The following CBARP variants were observed in gnomAD, a reference collection of about 807,000 sequenced individuals.
CBARP encodes the protein voltage-dependent calcium channel beta subunit-associated regulatory protein.
A neutral mutation model predicts 36.3 loss-of-function variants in CBARP; 24 were observed. That is an observed-to-expected ratio of 0.66 (90% CI 0.48 to 0.93). CBARP has a LOEUF of 0.93. Ranked by LOEUF, CBARP falls within the 40% of genes least tolerant of loss-of-function variation. The pLI is 0.00. For missense variants in CBARP, 1,146 were observed against 980.4 expected (o/e 1.17, Z -2.26); for synonymous variants, 586 against 453.2 (o/e 1.29, Z -3.72).
intron 1 of CBARP, among the ~76,000 whole-genome samples, 181 bp downstream of exon 1, chr19:1,237,575 G>A (rs1306618741): frequency 6.6e-6 from 1 of 152,108 alleles, no homozygotes; most frequent in Non-Finnish European, 1.5e-5. Context: ...TGAGGCTGGG[G>A]CGGGGCCTGA....
chr19:1,234,085 CG>C (rs1250805647), intron 7 of CBARP, 105 bp downstream of exon 7: 7 of 1,304,654 alleles, frequency 5.4e-6, no homozygotes, highest in South Asian at 3.9e-5. Context: ...AGGAGGGCTG[CG>C]GTGGCTGGCA....
chr19:1,236,193 G>T, intron 1 of CBARP, 72 bp from the exon 2 acceptor site: 1 of 1,354,218 alleles, frequency 7.4e-7, no homozygotes, highest in South Asian at 1.9e-5. Context: ...GACAAGCTGG[G>T]TCTTCCCTGC....
Position 1,231,287 on chromosome 19 carries a change from ATG to A in CBARP, c.980-14_980-13del. ...CCGCTTGGGGGAACCTGCGCACGGG[ATG>A]TGCCGTAAGCGTCAGCCGGCATGTG... On this transcript the variant is annotated splice_polypyrimidine_tract_variant and intron_variant, in intron 8 of 9. Coordinates refer to ENST00000650044, the MANE Select transcript of CBARP (RefSeq NM_001393918.1). 6.3e-7 allele frequency: 1 copy of A among 1,597,146 alleles called. No homozygotes were observed. The highest frequency in any genetic ancestry group is 8.5e-7 in the Non-Finnish European group (1 of 1,178,198).
chr19:1,232,672 A>C (rs981106717), intron 8 of CBARP, among the ~76,000 whole-genome samples: 1 of 152,254 alleles, frequency 6.6e-6, no homozygotes, highest in Non-Finnish European at 1.5e-5. Flanking sequence ...ACTGTCAAAC[A>C]GTCCAGGGAT....
rs751822246 is a variant in CBARP, at chr19:1,229,877, C to A, written c.1420G>T (p.Gly474Trp). 1.8e-5 allele frequency: 18 copies of A among 1,012,616 alleles called. No homozygotes were observed. The highest frequency in any genetic ancestry group is 2.1e-5 in the Non-Finnish European group (18 of 843,674). The allele number at this position is 1,012,616 out of a possible 1,614,324, so 62.7% of individuals were successfully genotyped here. Residue 474 changes from glycine (G) to tryptophan (W), a missense_variant, in exon 10 of 10, where the codon GGG becomes TGG. Coordinates refer to ENST00000650044, the MANE Select transcript of CBARP (RefSeq NM_001393918.1). This position sits in a 1 kb window ranked among gnomAD's most constrained non-coding sequence, Gnocchi z 5.1. The part of the protein sequence containing the change: ...RSGDSSGSGS[G>W]GAAPAFPPPS... ...GGCGGGAAGGCGGGCGCCGCGCCCC[C>A]GGAGCCTGAGCCCGAGCTGTCGCCG...
chr19:1,235,144 G>C lies in CBARP; in HGVS notation c.312C>G (p.Asp104Glu). The C allele has an allele frequency of 2.5e-6, 4 of 1,576,286 alleles. No homozygotes were observed. The highest frequency in any genetic ancestry group is 3.4e-6 in the Non-Finnish European group (4 of 1,161,500). Residue 104 changes from aspartate to glutamate, a missense_variant and splice_region_variant, in exon 5 of 10, where the codon GAC becomes GAG. Transcript: ENST00000650044. ...CGGGGTCCTCTCCCCGGAAGTCGGG[G>C]TCTGCGTGGAGAGGCAGGAGAGGGT... Reference protein sequence around the residue: ...YLDNGTHPAQDPDFRGEDPEC... With the variant: ...YLDNGTHPAQEPDFRGEDPEC...
chr19:1,234,911 C>T, intron 5 of CBARP, 90 bp downstream of exon 5: 1 of 1,517,338 alleles, frequency 6.6e-7, no homozygotes, highest in Non-Finnish European at 8.8e-7. Flanking sequence ...TGCCTTGGTC[C>T]CTGCAGCCTC....
Position 1,229,268 on chromosome 19 carries a change from G to C in CBARP, c.2029C>G (p.Leu677Val), listed in dbSNP as rs775095985. 8.0e-7 allele frequency: 1 copy of C among 1,252,644 alleles called. No individual in the cohort carries two copies. The highest frequency in any genetic ancestry group is 1.0e-6 in the Non-Finnish European group (1 of 974,474). The allele number at this position is 1,252,644 out of a possible 1,614,324, so 77.6% of individuals were successfully genotyped here. ...DKLAAGLDER[L>V]FPPRLAEPVV... is the part of the protein sequence containing the mutation. ...GGCTCGGCGAGGCGCGGCGGAAAGAGTCTCTCGTCGAGGCCAGCCGCCAGC... is the reference window on the plus strand; with the variant it reads ...GGCTCGGCGAGGCGCGGCGGAAAGACTCTCTCGTCGAGGCCAGCCGCCAGC... The change falls in exon 10 of 10, where the codon CTC becomes GTC. Residue 677 changes from leucine to valine, a missense_variant. Coordinates refer to ENST00000650044, the MANE Select transcript of CBARP (RefSeq NM_001393918.1). This position sits in a 1 kb window ranked among gnomAD's most constrained non-coding sequence, Gnocchi z 5.1.
chr19:1,230,434 G>A lies in CBARP; in HGVS notation c.1155-292C>T, dbSNP rs866863068. On this transcript the variant is annotated intron_variant, in intron 9 of 9. Transcript: ENST00000650044. ...GAAAAGTCAACATGCTTCTCTCCGG[G>A]AGTCACGTTTTCCCAGCCTCCCAGT... The A allele has an allele frequency of 2.2e-4, 214 of 991,234 alleles. No individual in the cohort carries two copies. In the Middle Eastern group the frequency reaches 5.7e-3, roughly 26 times the overall value. 61.4% of individuals were successfully genotyped at this position (991,234 alleles called of 1,614,324 possible).
At position 1,229,305 on chromosome 19, in the gene CBARP, C is replaced by T. The variant is rs750541748; in HGVS notation, c.1992G>A (p.Ser664=). ...GGCCAGCCGCCAGCTTGTCCAGCAC[C>T]GACCCGGATGGTAGGACGCACAGGC... is the stretch of plus-strand genomic sequence containing the variant. ...GSGLCVLPSG[S]VLDKLAAGLD... is the part of the protein sequence containing the mutation. Residue 664 remains serine (S), a synonymous_variant, in exon 10 of 10, where the codon TCG becomes TCA. Transcript: ENST00000650044. The surrounding 1 kb of genome is among the most constrained non-coding windows in gnomAD (Gnocchi z 5.1). 32 of 1,254,584 alleles carry T rather than the reference C, an allele frequency of 2.6e-5. No homozygotes were observed. The East Asian group carries it at 4.7e-4, about 18-fold the overall frequency. 77.7% of individuals were successfully genotyped at this position (1,254,584 alleles called of 1,614,324 possible). A position where few individuals can be genotyped will look rare whatever the true frequency, so the allele number is the denominator to read the frequency against.
intron 8 of CBARP, among the ~76,000 whole-genome samples, chr19:1,232,987 G>A (rs2080913612): frequency 6.6e-6 from 1 of 152,276 alleles, no homozygotes; most frequent in South Asian, 2.1e-4. Flanking sequence ...TGGTCTGCCA[G>A]CGGGCGAGGG....
In CBARP at chr19:1,235,914, T is replaced by C; in HGVS notation, c.110A>G (p.Glu37Gly). The change falls in exon 3 of 10, where the codon GAG (glutamate) becomes GGG (glycine). Residue 37 changes from glutamate to glycine, a missense_variant. Coordinates refer to ENST00000650044, the MANE Select transcript of CBARP (RefSeq NM_001393918.1). ...WDNATGRPTA[E>G]PDPILDNYVL... ...GTAGTTGTCCAGGATGGGGTCTGGCTCTGCCTGCGGGTGTGCAGGGGGGGT... is the reference window on the plus strand; with the variant it reads ...GTAGTTGTCCAGGATGGGGTCTGGCCCTGCCTGCGGGTGTGCAGGGGGGGT... 1 of 1,611,398 alleles carries C rather than the reference T, an allele frequency of 6.2e-7. No homozygotes were observed. Among genetic ancestry groups the C allele is most frequent in the Non-Finnish European group, 8.5e-7 (1 of 1,179,678 alleles).
intron 8 of CBARP, 143 bp from the exon 9 acceptor site, chr19:1,231,418 C>A: frequency 7.9e-7 from 1 of 1,271,012 alleles, no homozygotes; most frequent in Non-Finnish European, 1.0e-6. Context: ...ACCCCCACCA[C>A]ACACACACAA....
intron 2 of CBARP, 22 bp downstream of exon 2, chr19:1,235,974 C>G (rs2080965725): frequency 1.3e-6 from 2 of 1,580,194 alleles, no homozygotes; most frequent in Non-Finnish European, 1.7e-6. Context: ...TCCTGCCCCT[C>G]CCACCTGTCC....
At position 1,236,247 on chromosome 19, in the gene CBARP, A is replaced by T. The variant is rs531746462; in HGVS notation, c.-21-126T>A. ...AGGGGGCAGTGACTCATGGAGAGGT[A>T]GCAGAGCCGGAGGCAGCCTCCACCC... On this transcript the variant is annotated intron_variant, in intron 1 of 9. Transcript: ENST00000650044. The T allele has an allele frequency of 3.6e-5, 46 of 1,280,772 alleles. No individual in the cohort carries two copies. In the African/African-American group the frequency reaches 6.8e-4, roughly 19 times the overall value. 79.3% of individuals were successfully genotyped at this position (1,280,772 alleles called of 1,614,324 possible).
chr19:1,236,603 G>A (rs923911188), intron 1 of CBARP, among the ~76,000 whole-genome samples: 6 of 152,026 alleles, frequency 3.9e-5, no homozygotes, highest in African/African-American at 1.2e-4. Flanking sequence ...CCATGGTTGG[G>A]TAGAGGGAGA....
intron 9 of CBARP, 146 bp downstream of exon 9, chr19:1,230,955 C>T (rs778716668): frequency 2.0e-5 from 31 of 1,575,010 alleles, no homozygotes; most frequent in East Asian, 6.8e-5. Context: ...CCAGTGAGTC[C>T]GCCTCTGGGA....
intron 7 of CBARP, 23 bp downstream of exon 7, chr19:1,234,168 G>A: frequency 6.7e-7 from 1 of 1,494,444 alleles, no homozygotes; most frequent in Non-Finnish European, 8.9e-7. Context: ...TGGACACCAT[G>A]GGGGACACGC....
Position 1,237,874 on chromosome 19 carries a change from A to T in CBARP, c.-140T>A, listed in dbSNP as rs1231210883. On this transcript the variant is annotated 5_prime_UTR_variant, in exon 1 of 10. Transcript: ENST00000650044. ...GCAGGCGGAGAATTTATGAATGGAGAGCGCGGCGCGGGGGAGGCCGGCGCG... is the reference window on the plus strand; with the variant it reads ...GCAGGCGGAGAATTTATGAATGGAGTGCGCGGCGCGGGGGAGGCCGGCGCG... 1 of 147,142 alleles carries T rather than the reference A, an allele frequency of 6.8e-6. No homozygotes were observed. The highest frequency in any genetic ancestry group is 1.5e-5 in the Non-Finnish European group (1 of 66,124). 9.1% of individuals were successfully genotyped at this position (147,142 alleles called of 1,614,324 possible).
Sources: allele counts gnomAD v4.1 joint callset (sites outside exome capture counted in the v4.1 genomes callset), GRCh38; gene constraint gnomAD v4.1.1; non-coding constraint Gnocchi (gnomAD v3.1); transcripts MANE v1.5; gene names NCBI Gene and HGNC (gene_info 2026-07-23, HGNC 2026-07-21).